AGR3: variants seen among roughly 807,000 people sequenced by gnomAD.
The protein encoded by AGR3 is anterior gradient 3, protein disulphide isomerase family member.
In AGR3, 37 loss-of-function variants were observed where a neutral mutation model predicts 24.5. The observed-to-expected ratio is 1.51, with a 90% CI of 1.16 to 1.99. AGR3 has a LOEUF of 1.99. Ranked by LOEUF, AGR3 falls within the 30% of genes most tolerant of loss-of-function variation. AGR3 has a pLI of 0.00. For synonymous variants in AGR3, 75 were observed against 61.6 expected, an observed-to-expected ratio of 1.22 and a Z score of -1.02; for missense variants, 228 against 191.1, an observed-to-expected ratio of 1.19 and a Z score of -1.14.
intron 1 of AGR3, among the ~76,000 whole-genome samples, chr7:16,880,058 CCCTT>C (rs1782075364): frequency 1.3e-5 from 2 of 151,134 alleles, no homozygotes; most frequent in South Asian, 4.2e-4. Flanking sequence ...CCTTCCCTTC[CCCTT>C]CCTTCCTTCC....
intron 3 of AGR3, chr7:16,866,338 A>G (rs1781758429): frequency 4.0e-6 from 2 of 495,384 alleles, no homozygotes; most frequent in South Asian, 1.6e-5. Flanking sequence ...CATCCATAGT[A>G]TAGGACCTGT....
At chr7:16,862,542 A>C in intron 4 of AGR3, 68 bp downstream of exon 4, 1 of 1,008,520 alleles carries the variant, frequency 9.9e-7, no homozygotes, top group Non-Finnish European at 1.4e-6. Context: ...TATTATTACC[A>C]GGTCACTTTT....
chr7:16,880,157 TTCTC>T (rs2115320247), intron 1 of AGR3, among the ~76,000 whole-genome samples: 1 of 146,924 alleles, frequency 6.8e-6, no homozygotes, highest in South Asian at 2.1e-4. Flanking sequence ...TTTCTTTTCT[TTCTC>T]TCTCCTTTCT....
intron 3 of AGR3, among the ~76,000 whole-genome samples, chr7:16,866,855 T>C (rs990759474): frequency 1.3e-5 from 2 of 152,134 alleles, no homozygotes; most frequent in Non-Finnish European, 2.9e-5. Flanking sequence ...GCTGCAGTTT[T>C]CCATTTAAAA....
chr7:16,860,094 A>C, intron 7 of AGR3, among the ~76,000 whole-genome samples: 1 of 77,298 alleles, frequency 1.3e-5, no homozygotes, highest in East Asian at 4.5e-4. Flanking sequence ...TGTCTCTACA[A>C]AAAAGAAAAA....
chr7:16,864,812 T>A, intron 3 of AGR3: 1 of 911,356 alleles, frequency 1.1e-6, no homozygotes, highest in Non-Finnish European at 1.9e-6. Flanking sequence ...ATCACACCTC[T>A]TGTAGCTATA....
At chr7:16,864,692 A>C (rs1781717879) in intron 3 of AGR3, 2 of 1,573,620 alleles carry the variant, frequency 1.3e-6, no homozygotes, top group Non-Finnish European at 8.7e-7. Context: ...GCTGCCAGGC[A>C]ATTTTCCCCA....
Position 16,859,498 on chromosome 7 carries a change from G to T in AGR3, c.*84C>A. The T allele has an allele frequency of 1.2e-6, 1 of 847,938 alleles. No individual in the cohort carries two copies. Among genetic ancestry groups the T allele is most frequent in the Non-Finnish European group, 1.8e-6 (1 of 541,408 alleles). The allele number at this position is 847,938 out of a possible 1,614,324, so 52.5% of individuals were successfully genotyped here. Reference sequence around the variant, plus strand: ...GTAATATTACAAAATCTATATACTTGCACATTTAGTATTTGTCAATGTGCC... The same window carrying T: ...GTAATATTACAAAATCTATATACTTTCACATTTAGTATTTGTCAATGTGCC... On this transcript the variant is annotated 3_prime_UTR_variant, in exon 8 of 8. Coordinates refer to ENST00000310398, the MANE Select transcript of AGR3 (RefSeq NM_176813.5).
chr7:16,858,051 G>T (rs1781577555), downstream of AGR3, among the ~76,000 whole-genome samples: 1 of 150,294 alleles, frequency 6.7e-6, no homozygotes, highest in Non-Finnish European at 1.5e-5. Context: ...GCAATGGAAC[G>T]ATCTTGGCTC....
chr7:16,863,385 C>T (rs1051916743), intron 3 of AGR3, among the ~76,000 whole-genome samples: 2 of 152,098 alleles, frequency 1.3e-5, no homozygotes, highest in Admixed American at 1.3e-4. Context: ...CATTCTTGCA[C>T]GTTGCAGAAT....
Position 16,861,251 on chromosome 7 carries a change from G to A in AGR3, c.367+133C>T, listed in dbSNP as rs115678171. The A allele has an allele frequency of 1.3e-4, 82 of 628,666 alleles. No individual in the cohort carries two copies. The African/African-American group carries it at 1.4e-3, about 11-fold the overall frequency. The allele number at this position is 628,666 out of a possible 1,614,324, so 38.9% of individuals were successfully genotyped here. Reference sequence around the variant, plus strand: ...TGGATTTTGATTGTAGAACTAACAAGAGCTGATATTATTGGATTAGAAATG... The same window carrying A: ...TGGATTTTGATTGTAGAACTAACAAAAGCTGATATTATTGGATTAGAAATG... On this transcript the variant is annotated intron_variant, in intron 6 of 7. Transcript: ENST00000310398.
chr7:16,858,745 C>T (rs1445097057), downstream of AGR3, among the ~76,000 whole-genome samples: 1 of 151,934 alleles, frequency 6.6e-6, no homozygotes, highest in Non-Finnish European at 1.5e-5. Context: ...GTGGTACACA[C>T]CTGTAATCCC....
At chr7:16,877,587 G>T (rs1410166415) in intron 2 of AGR3, among the ~76,000 whole-genome samples, 2 of 151,680 alleles carry the variant, frequency 1.3e-5, no homozygotes, top group African/African-American at 2.4e-5. Context: ...TTCTTGGCCG[G>T]GCGCGGTGGC....
intron 3 of AGR3, among the ~76,000 whole-genome samples, chr7:16,868,277 T>C (rs1781799482): frequency 6.6e-6 from 1 of 152,076 alleles, no homozygotes; most frequent in African/African-American, 2.4e-5. Flanking sequence ...TGCCTCAGAC[T>C]CCCGAGTAGC....
chr7:16,859,856 G>A (rs1781606738), intron 7 of AGR3, among the ~76,000 whole-genome samples: 1 of 152,084 alleles, frequency 6.6e-6, no homozygotes, highest in Non-Finnish European at 1.5e-5. Flanking sequence ...CATCAGAGGG[G>A]TTTTGAGGAG....
intron 7 of AGR3, 78 bp from the exon 8 acceptor site, chr7:16,859,709 G>T: frequency 1.1e-6 from 1 of 917,894 alleles, no homozygotes; most frequent in Non-Finnish European, 1.6e-6. Flanking sequence ...TCTAGAACCT[G>T]AAATTGGCCC....
chr7:16,865,452 C>G (rs1215798916), intron 3 of AGR3: 11 of 815,990 alleles, frequency 1.3e-5, no homozygotes, highest in African/African-American at 5.1e-5. Flanking sequence ...AGGGTTGAAA[C>G]TAATATTTGA....
At chr7:16,860,384 C>A in intron 7 of AGR3, 116 bp downstream of exon 7, 4 of 755,736 alleles carry the variant, frequency 5.3e-6, no homozygotes, top group Admixed American at 2.4e-5. Flanking sequence ...ATTTAAACAC[C>A]ACCACTAGCC....
chr7:16,870,124 T>C (rs1459636184), intron 3 of AGR3, among the ~76,000 whole-genome samples: 2 of 152,014 alleles, frequency 1.3e-5, no homozygotes, highest in East Asian at 1.9e-4. Context: ...TTTAGGTTCT[T>C]ATAGATTTTG....
Sources: allele counts gnomAD v4.1 joint callset (sites outside exome capture counted in the v4.1 genomes callset), GRCh38; gene constraint gnomAD v4.1.1; transcripts MANE v1.5; gene names NCBI Gene and HGNC (gene_info 2026-07-23, HGNC 2026-07-21).